The following IL13RA1 variants were observed in gnomAD, a reference collection of about 807,000 sequenced individuals.
IL13RA1 encodes interleukin 13 receptor subunit alpha 1, also known as interleukin-13 receptor subunit alpha-1.
IL13RA1 carries 14 observed loss-of-function variants against 33.8 expected under a neutral mutation model. The ratio of observed to expected loss-of-function variants is 0.41; its 90% CI spans 0.27 to 0.65. The LOEUF is 0.65. Among genes scored for constraint, IL13RA1 ranks in the 30% least tolerant of loss-of-function variants. The pLI is 0.28. For synonymous variants in IL13RA1, 116 were observed against 115.7 expected (o/e 1.00, Z -0.02); for missense variants, 313 against 327.0 (o/e 0.96, Z 0.33).
Position 118,747,054 on chromosome X carries a change from C to T in IL13RA1, c.329C>T (p.Pro110Leu), listed in dbSNP as rs760373189. The T allele has an allele frequency of 2.5e-5, 29 of 1,171,399 alleles. No individual in the cohort carries two copies. Among genetic ancestry groups the T allele is most frequent in the Non-Finnish European group, 3.1e-5 (27 of 861,312 alleles). ...SQCSTNESEK[P>L]SILVEKCISP... ...TGTAGCACCAATGAGAGTGAGAAGCCTAGCATTTTGGTTGAAAAATGCATC... is the reference window on the plus strand; with the variant it reads ...TGTAGCACCAATGAGAGTGAGAAGCTTAGCATTTTGGTTGAAAAATGCATC... The change falls in exon 3 of 11, where the codon CCT (proline) becomes CTT (leucine). Residue 110 changes from proline (P) to leucine (L), a missense_variant. Transcript: ENST00000371666.
At chrX:118,733,346 G>A in intron 1 of IL13RA1, among the ~76,000 whole-genome samples, 1 of 111,924 alleles carries the variant, frequency 8.9e-6, no homozygotes, top group Non-Finnish European at 1.9e-5. Context: ...GGAGTGAGGT[G>A]AAATCTCATT....
At chrX:118,750,860 G>A (rs921548469) in intron 4 of IL13RA1, among the ~76,000 whole-genome samples, 1 of 111,365 alleles carries the variant, frequency 9.0e-6, no homozygotes, top group African/African-American at 3.3e-5. Flanking sequence ...AGGCTAGAGT[G>A]CAGTGGTGAG....
At chrX:118,744,853 C>T in intron 2 of IL13RA1, among the ~76,000 whole-genome samples, 1 of 112,408 alleles carries the variant, frequency 8.9e-6, no homozygotes, top group East Asian at 2.8e-4. Context: ...CTGTATTTGA[C>T]TGTACAGTCT....
rs1026787037 is a variant in IL13RA1 at position 118,736,939 on chromosome X, G to A, written c.89-4078G>A. On this transcript the variant is annotated intron_variant, in intron 1 of 10. Coordinates refer to ENST00000371666, the MANE Select transcript of IL13RA1 (RefSeq NM_001560.3). ...ATGCCCAGCCTCTGTAGTTGTTTAAGAATTTCTAATCTTTAATGCCTGGCT... is the reference window on the plus strand; with the variant it reads ...ATGCCCAGCCTCTGTAGTTGTTTAAAAATTTCTAATCTTTAATGCCTGGCT... Among the ~76,000 whole-genome samples the A allele has an allele frequency of 7.1e-5, 8 of 112,700 alleles. No homozygotes were observed. The Admixed American group carries it at 7.5e-4, about 11-fold the overall frequency.
chrX:118,777,279 A>G (rs1183703634), intron 10 of IL13RA1, among the ~76,000 whole-genome samples: 2 of 111,283 alleles, frequency 1.8e-5, no homozygotes, highest in Non-Finnish European at 3.8e-5. Context: ...ATTTACCATA[A>G]TGTTTTAAAG....
chrX:118,748,938 C>A (rs1417892506), intron 3 of IL13RA1, among the ~76,000 whole-genome samples: 2 of 111,335 alleles, frequency 1.8e-5, no homozygotes, highest in Non-Finnish European at 3.8e-5. Context: ...TATTTAGAGA[C>A]AGAGTCTTGT....
Position 118,730,917 on chromosome X carries a change from A to G in IL13RA1, c.88+3191A>G, listed in dbSNP as rs1396694281. ...TGCCTGAGTGGATGTAAGGGAAGGG[A>G]CAGATGACTCATATATGACTCTTGT... On this transcript the variant is annotated intron_variant, in intron 1 of 10. Transcript: ENST00000371666. 2.7e-5 allele frequency among the ~76,000 whole-genome samples: 3 copies of G among 112,459 alleles called. No individual in the cohort carries two copies. In the Admixed American group the frequency reaches 2.8e-4, roughly 11 times the overall value.
chrX:118,750,507 A>G (rs1209421515), intron 4 of IL13RA1, among the ~76,000 whole-genome samples: 4 of 111,256 alleles, frequency 3.6e-5, no homozygotes, highest in Non-Finnish European at 5.6e-5. Flanking sequence ...AGTTTTTTAA[A>G]CCATTCATTC....
At chrX:118,751,207 A>C (rs928743250) in intron 4 of IL13RA1, among the ~76,000 whole-genome samples, 3 of 112,385 alleles carry the variant, frequency 2.7e-5, no homozygotes, top group African/African-American at 9.7e-5. Context: ...AAGTTTGTTA[A>C]ATTTCTAAGT....
chrX:118,747,046 T>G lies in IL13RA1; in HGVS notation c.321T>G (p.Ser107Arg), dbSNP rs749548288. The G allele has an allele frequency of 8.6e-7, 1 of 1,165,658 alleles. No homozygotes were observed. The highest frequency in any genetic ancestry group is 2.2e-5 in the Admixed American group (1 of 45,576). The change falls in exon 3 of 11, where the codon AGT becomes AGG. Residue 107 changes from serine (S) to arginine (R), a missense_variant. By Grantham distance (110) the Ser-to-Arg change is moderately radical (BLOSUM62 -1). Transcript: ENST00000371666. ...QVGSQCSTNE[S>R]EKPSILVEKC... ...GGTCCCAGTGTAGCACCAATGAGAG[T>G]GAGAAGCCTAGCATTTTGGTTGAAA...
intron 5 of IL13RA1, 122 bp from the exon 6 acceptor site, chrX:118,761,016 T>G: frequency 2.5e-6 from 1 of 400,494 alleles, no homozygotes; most frequent in East Asian, 4.0e-5. Flanking sequence ...TTAAAAAATA[T>G]TTTCAGTTCA....
At chrX:118,731,902 A>G (rs1050804868) in intron 1 of IL13RA1, among the ~76,000 whole-genome samples, 1 of 112,177 alleles carries the variant, frequency 8.9e-6, no homozygotes, top group African/African-American at 3.2e-5. Flanking sequence ...GAGCTGTTAG[A>G]GACCTTTACA....
intron 10 of IL13RA1, among the ~76,000 whole-genome samples, chrX:118,780,854 C>A (rs1468702474): frequency 1.8e-5 from 2 of 111,922 alleles, no homozygotes; most frequent in African/African-American, 6.5e-5. Context: ...GGACTAGAAC[C>A]CATATAGCCC....
At chrX:118,783,900 G>A (rs1438395837) in intron 10 of IL13RA1, among the ~76,000 whole-genome samples, 1 of 101,347 alleles carries the variant, frequency 9.9e-6, no homozygotes, top group Admixed American at 1.1e-4. Context: ...CCAACATGGT[G>A]AAACCCCGTC....
chrX:118,754,782 A>G (rs925571304), intron 4 of IL13RA1, among the ~76,000 whole-genome samples: 1 of 110,239 alleles, frequency 9.1e-6, no homozygotes, highest in Non-Finnish European at 1.9e-5. Flanking sequence ...TCCTCTAGAT[A>G]GATCCTTTCT....
At chrX:118,731,533 C>CA (rs1237763734) in intron 1 of IL13RA1, among the ~76,000 whole-genome samples, 1 of 103,026 alleles carries the variant, frequency 9.7e-6, no homozygotes, top group Non-Finnish European at 2.0e-5. Flanking sequence ...GCTAAGATCA[C>CA]ACCAGCGCAC....
At chrX:118,772,051 A>G (rs915232497) in intron 8 of IL13RA1, among the ~76,000 whole-genome samples, 1 of 112,525 alleles carries the variant, frequency 8.9e-6, no homozygotes, top group Non-Finnish European at 1.9e-5. Flanking sequence ...GTTTGTGTCG[A>G]TTTATTTGAT....
chrX:118,794,948 C>T (rs904088867), downstream of IL13RA1, among the ~76,000 whole-genome samples: 7 of 111,334 alleles, frequency 6.3e-5, no homozygotes, highest in Non-Finnish European at 1.3e-4. Context: ...TTTGACTGGA[C>T]GCAGTGGCTC....
rs375262048 is a variant in IL13RA1 at position 118,740,990 on chromosome X, A to G, written c.89-27A>G. The G allele has an allele frequency of 5.9e-6, 6 of 1,019,585 alleles. No individual in the cohort carries two copies. The East Asian group carries it at 1.9e-4, about 32-fold the overall frequency. The allele number at this position is 1,019,585 out of a possible 1,213,427, so 84.0% of individuals were successfully genotyped here. ...CATTAAAAATACTGTTGATAAATTCATTTTTTTTTGTCCTTGATTTGAACA... is the reference window on the plus strand; with the variant it reads ...CATTAAAAATACTGTTGATAAATTCGTTTTTTTTTGTCCTTGATTTGAACA... On this transcript the variant is annotated intron_variant, in intron 1 of 10. Coordinates refer to ENST00000371666, the MANE Select transcript of IL13RA1 (RefSeq NM_001560.3).
Sources: gnomAD v4.1 joint callset for allele counts (sites outside exome capture counted in the v4.1 genomes callset) on GRCh38, gnomAD v4.1.1 for gene constraint, MANE v1.5 for transcripts, NCBI Gene and HGNC (gene_info 2026-07-23, HGNC 2026-07-21) for gene names.